Variants in RGS8 observed in about 807,000 individuals in gnomAD.
RGS8 encodes regulator of G protein signaling 8, also known as regulator of G-protein signaling 8.
In RGS8, 8 loss-of-function variants were observed where a neutral mutation model predicts 21.7. The observed-to-expected ratio is 0.37, with a 90% CI of 0.22 to 0.66. The LOEUF (loss-of-function observed/expected upper bound fraction) is 0.66, where lower values mean the gene tolerates loss of function less well. RGS8 is among the 30% of genes least tolerant of loss of function. The pLI is 0.59. For missense variants in RGS8, 157 were observed against 217.9 expected (o/e 0.72, Z 1.76); for synonymous variants, 80 against 83.6 (o/e 0.96, Z 0.24).
upstream of RGS8, chr1:182,672,318 GA>G: frequency 5.5e-6 from 1 of 180,450 alleles, no homozygotes; most frequent in African/African-American, 2.4e-5. Flanking sequence ...GAGCCAGGAG[GA>G]GGGGGGCTGT....
chr1:182,734,045 C>G, the RGS8 span, among the ~76,000 whole-genome samples: 2 of 151,880 alleles, frequency 1.3e-5, no homozygotes, highest in Non-Finnish European at 2.9e-5. Context: ...CTCAGCCTCC[C>G]GAGTAGCTGG....
intron 5 of RGS8, among the ~76,000 whole-genome samples, chr1:182,660,052 TAACA>T (rs1024493237): frequency 2.6e-5 from 4 of 152,338 alleles, no homozygotes; most frequent in African/African-American, 9.6e-5. Context: ...CTCTGGCATA[TAACA>T]GGCATGAAAT....
the RGS8 span, among the ~76,000 whole-genome samples, chr1:182,744,337 C>A: frequency 2.6e-5 from 4 of 152,062 alleles, no homozygotes; most frequent in African/African-American, 7.2e-5. Context: ...GTTGCCCAGG[C>A]TGGTGTTGAA....
the RGS8 span, among the ~76,000 whole-genome samples, chr1:182,697,013 A>T: frequency 5.9e-5 from 9 of 152,156 alleles, no homozygotes; most frequent in Admixed American, 5.9e-4. Context: ...TTTATGGCAG[A>T]AGTAGGAGTC....
the RGS8 span, among the ~76,000 whole-genome samples, chr1:182,724,714 C>T: frequency 6.6e-6 from 1 of 152,068 alleles, no homozygotes; most frequent in African/African-American, 2.4e-5. Context: ...CCTGCCACCA[C>T]ACCTGGCTAA....
In RGS8 at chr1:182,661,549, G is replaced by A. The variant is rs538015070; in HGVS notation, c.193+4420C>T. 5.3e-5 allele frequency among the ~76,000 whole-genome samples: 8 copies of A among 152,030 alleles called. No homozygotes were observed. The South Asian group carries it at 1.7e-3, about 32-fold the overall frequency. On this transcript the variant is annotated intron_variant, in intron 5 of 6. Transcript: ENST00000483095. ...GGAGAAATAAGGGAAGGAAGGGAGGGAGGAAGGGAGGAAGGAAAGAAAGAG... is the reference window on the plus strand; with the variant it reads ...GGAGAAATAAGGGAAGGAAGGGAGGAAGGAAGGGAGGAAGGAAAGAAAGAG...
rs181783332 is a variant in RGS8, at chr1:182,677,964, G to C, written n.222-5032C>G. On this transcript the variant is annotated intron_variant and non_coding_transcript_variant, in intron 1 of 4. Coordinates refer to the RGS8 transcript ENST00000515211. ...AAAATAAAGCTGAAGAAACACCTCA[G>C]CCAAATGTAATACATGGACTTTGTG... 1.2e-4 allele frequency among the ~76,000 whole-genome samples: 19 copies of C among 152,252 alleles called. 1 individual carries two copies. The highest frequency in any genetic ancestry group is 4.6e-4 in the Admixed American group (7 of 15,304).
At chr1:182,699,416 A>C in the RGS8 span, among the ~76,000 whole-genome samples, 1 of 152,184 alleles carries the variant, frequency 6.6e-6, no homozygotes, top group Admixed American at 6.5e-5. Context: ...CCAGGAGCAA[A>C]GATTAGTTCC....
chr1:182,743,085 C>T, the RGS8 span, among the ~76,000 whole-genome samples: 2 of 152,010 alleles, frequency 1.3e-5, no homozygotes, highest in Non-Finnish European at 2.9e-5. Context: ...GAAGATGACC[C>T]CTGAAGACCC....
chr1:182,721,338 T>C, the RGS8 span, among the ~76,000 whole-genome samples: 1 of 152,132 alleles, frequency 6.6e-6, no homozygotes. Flanking sequence ...TATTGGCTCA[T>C]GTCACTGGAA....
chr1:182,656,442 C>A (rs4651129), intron 5 of RGS8, among the ~76,000 whole-genome samples: 102,722 of 152,098 alleles, frequency 0.68, 35,401 homozygotes, highest in Non-Finnish European at 0.75. Flanking sequence ...TAACTTGGAA[C>A]CTGCCTAAAG....
chr1:182,665,883 C>A, intron 5 of RGS8, 86 bp downstream of exon 6: 1 of 1,206,862 alleles, frequency 8.3e-7, no homozygotes, highest in Non-Finnish European at 1.2e-6. Context: ...CTAGTACATA[C>A]CTGCCTGGAT....
At chr1:182,733,494 C>T in the RGS8 span, among the ~76,000 whole-genome samples, 65 of 152,292 alleles carry the variant, frequency 4.3e-4, 1 homozygote, top group South Asian at 6.2e-3. Flanking sequence ...CAGGTAGGAG[C>T]TAAGCTAGGG....
chr1:182,654,042 T>C (rs926163262), intron 5 of RGS8, among the ~76,000 whole-genome samples: 2 of 152,218 alleles, frequency 1.3e-5, no homozygotes, highest in Non-Finnish European at 2.9e-5. Flanking sequence ...TGCTCAGGAC[T>C]TTACAAAACA....
chr1:182,642,570 T>C (rs536622), downstream of RGS8: 3,968 of 152,708 alleles, frequency 0.026, 179 homozygotes, highest in African/African-American at 0.091. Flanking sequence ...CTTCCCCATT[T>C]TGCCCTCACC....
At chr1:182,730,698 G>A in the RGS8 span, among the ~76,000 whole-genome samples, 4 of 148,900 alleles carry the variant, frequency 2.7e-5, no homozygotes, top group South Asian at 2.1e-4. Flanking sequence ...TGACAAGAGC[G>A]AGACTGCATC....
At chr1:182,719,077 G>T in the RGS8 span, among the ~76,000 whole-genome samples, 1 of 152,154 alleles carries the variant, frequency 6.6e-6, no homozygotes, top group Non-Finnish European at 1.5e-5. Flanking sequence ...TGTTTCCCCG[G>T]TTTCTTTCTT....
At chr1:182,742,771 C>CAGGGACAGGGAG in the RGS8 span, among the ~76,000 whole-genome samples, 1 of 151,636 alleles carries the variant, frequency 6.6e-6, no homozygotes, top group Non-Finnish European at 1.5e-5. Flanking sequence ...GGGACAGGGA[C>CAGGGACAGGGAG]AGGGAGAGGG....
the RGS8 span, among the ~76,000 whole-genome samples, chr1:182,732,741 T>C: frequency 6.6e-6 from 1 of 152,166 alleles, no homozygotes; most frequent in African/African-American, 2.4e-5. Context: ...GGGCATGCTA[T>C]AGAAGGACAA....
Sources: gnomAD v4.1 joint callset for allele counts (sites outside exome capture counted in the v4.1 genomes callset) on GRCh38, gnomAD v4.1.1 for gene constraint, MANE v1.5 for transcripts, NCBI Gene and HGNC (gene_info 2026-07-23, HGNC 2026-07-21) for gene names.